PCSK5: variants seen among roughly 807,000 people sequenced by gnomAD.
The protein encoded by PCSK5 is prohormone convertase 5.
In PCSK5, 129 loss-of-function variants were observed where a neutral mutation model predicts 233.2. That is an observed-to-expected ratio of 0.55 (90% CI 0.48 to 0.64). The LOEUF (loss-of-function observed/expected upper bound fraction) is 0.64. Among genes scored for constraint, PCSK5 ranks in the 30% least tolerant of loss-of-function variants. The pLI is 0.00. For synonymous variants in PCSK5, 825 were observed against 879.2 expected (o/e 0.94, Z 1.09); for missense variants, 2,076 against 2,430.1 (o/e 0.85, Z 3.06).
chr9:76,184,809 T>G (rs1824027976), intron 17 of PCSK5, 52 bp downstream of exon 17: 1 of 1,083,442 alleles, frequency 9.2e-7, no homozygotes, highest in Non-Finnish European at 1.4e-6. Context: ...AGCTTCTCAA[T>G]GTAAATAAAA....
At chr9:76,193,726 C>T in intron 20 of PCSK5, 1 of 165,772 alleles carries the variant, frequency 6.0e-6, no homozygotes, top group Non-Finnish European at 1.3e-5. Flanking sequence ...CATTGACTTG[C>T]TTGTTTCCCC....
At chr9:76,112,908 C>G (rs1434066407) in intron 9 of PCSK5, among the ~76,000 whole-genome samples, 1 of 152,046 alleles carries the variant, frequency 6.6e-6, no homozygotes, top group Non-Finnish European at 1.5e-5. Flanking sequence ...ACATTGGTTC[C>G]ATAGAAATTT....
At chr9:76,267,246 A>G (rs1269344495) in intron 24 of PCSK5, among the ~76,000 whole-genome samples, 1 of 152,188 alleles carries the variant, frequency 6.6e-6, no homozygotes, top group Non-Finnish European at 1.5e-5. Context: ...AGGAAAATAG[A>G]AGTGCTTTCA....
chr9:76,320,442 GAAAA>G (rs1192301164), intron 30 of PCSK5, among the ~76,000 whole-genome samples: 1 of 35,390 alleles, frequency 2.8e-5, no homozygotes, highest in Non-Finnish European at 5.4e-5. Context: ...AAAAAAAAAA[GAAAA>G]AAAAAAAGTA....
intron 37 of PCSK5, among the ~76,000 whole-genome samples, chr9:76,355,940 G>A (rs1374588716): frequency 1.3e-5 from 2 of 152,098 alleles, no homozygotes; most frequent in Non-Finnish European, 2.9e-5. Flanking sequence ...CTGACCTCAG[G>A]TGATCTGCCC....
intron 34 of PCSK5, among the ~76,000 whole-genome samples, chr9:76,333,266 T>C (rs770771517): frequency 2.6e-5 from 4 of 152,216 alleles, no homozygotes; most frequent in Admixed American, 2.0e-4. Flanking sequence ...AGATCATTAA[T>C]GGAGGTTCTT....
intron 5 of PCSK5, among the ~76,000 whole-genome samples, chr9:76,044,592 T>C (rs1027080520): frequency 3.3e-5 from 5 of 152,188 alleles, no homozygotes; most frequent in African/African-American, 4.8e-5. Flanking sequence ...TTCTGAATGT[T>C]TGGAATGCTG....
At chr9:75,994,396 C>CTTTTTTTTTTTTTTTTTTT (rs1826907729) in intron 3 of PCSK5, among the ~76,000 whole-genome samples, 3 of 68,338 alleles carry the variant, frequency 4.4e-5, no homozygotes, top group Non-Finnish European at 5.9e-5. Context: ...TTCTTTCTTT[C>CTTTTTTTTTTTTTTTTTTT]TTTCTTTTTT....
At chr9:76,136,008 T>C (rs1013224557) in intron 10 of PCSK5, among the ~76,000 whole-genome samples, 1 of 152,040 alleles carries the variant, frequency 6.6e-6, no homozygotes, top group Non-Finnish European at 1.5e-5. Flanking sequence ...GTTTGTGCAC[T>C]GCTTTAAGGA....
intron 1 of PCSK5, among the ~76,000 whole-genome samples, chr9:75,920,377 C>T (rs550709140): frequency 6.6e-6 from 1 of 152,162 alleles, no homozygotes; most frequent in Non-Finnish European, 1.5e-5. Context: ...CAGCCTCAAA[C>T]TCCTGGGCTC....
At chr9:76,353,326 C>T (rs1393901626) in intron 36 of PCSK5, among the ~76,000 whole-genome samples, 1 of 152,208 alleles carries the variant, frequency 6.6e-6, no homozygotes, top group Non-Finnish European at 1.5e-5. Flanking sequence ...CCACTCTCTT[C>T]CCAAAGAGAT....
intron 35 of PCSK5, among the ~76,000 whole-genome samples, chr9:76,348,770 C>T (rs527629477): frequency 1.3e-5 from 2 of 152,148 alleles, no homozygotes; most frequent in East Asian, 1.9e-4. Context: ...GAACTTTATA[C>T]CCTTTGACCA....
At chr9:76,006,788 C>T (rs1177506591) in intron 3 of PCSK5, among the ~76,000 whole-genome samples, 2 of 152,080 alleles carry the variant, frequency 1.3e-5, no homozygotes, top group African/African-American at 4.8e-5. Flanking sequence ...ACCCTGGGTT[C>T]TTAATTGTAT....
intron 21 of PCSK5, among the ~76,000 whole-genome samples, chr9:76,228,919 A>G (rs941535989): frequency 1.3e-5 from 2 of 152,218 alleles, no homozygotes; most frequent in East Asian, 1.9e-4. Flanking sequence ...ACATAATTCA[A>G]TAAATGTGCT....
At chr9:76,242,548 C>A (rs1404281708) in intron 24 of PCSK5, among the ~76,000 whole-genome samples, 1 of 152,012 alleles carries the variant, frequency 6.6e-6, no homozygotes. Flanking sequence ...AAAAAATAAA[C>A]CTAGGCATAA....
At position 76,359,131 on chromosome 9, in the gene PCSK5, G is replaced by A. The variant is rs929749590; in HGVS notation, c.*209G>A. On this transcript the variant is annotated 3_prime_UTR_variant, in exon 38 of 38. Transcript: ENST00000674117. ...CTCAATTAACAGTTCCTGTTCAACC[G>A]TAATTGAAGAGCAAGGATAAAATTC... 11 of 539,404 alleles carry A rather than the reference G, an allele frequency of 2.0e-5. No homozygotes were observed. The highest frequency in any genetic ancestry group is 6.2e-5 in the Admixed American group (2 of 32,162). The allele number at this position is 539,404 out of a possible 1,614,324, so 33.4% of individuals were successfully genotyped here. A position where few individuals can be genotyped will look rare whatever the true frequency, so the allele number is the denominator to read the frequency against.
At chr9:76,047,188 C>T (rs1338046509) in intron 5 of PCSK5, among the ~76,000 whole-genome samples, 2 of 149,834 alleles carry the variant, frequency 1.3e-5, no homozygotes, top group Admixed American at 1.3e-4. Flanking sequence ...GCTCCGCCTC[C>T]TGGGTTCACG....
intron 20 of PCSK5, among the ~76,000 whole-genome samples, chr9:76,219,318 AT>A (rs989677183): frequency 3.0e-4 from 45 of 152,316 alleles, no homozygotes; most frequent in African/African-American, 1.0e-3. Context: ...CCATGGGGCA[AT>A]GGAGCAGAGA....
chr9:76,186,325 G>A (rs368597987), intron 17 of PCSK5, among the ~76,000 whole-genome samples: 12 of 152,100 alleles, frequency 7.9e-5, no homozygotes, highest in African/African-American at 1.4e-4. Flanking sequence ...TGTTCCAAAC[G>A]TACCCAAATT....
Sources: allele counts gnomAD v4.1 joint callset (sites outside exome capture counted in the v4.1 genomes callset), GRCh38; gene constraint gnomAD v4.1.1; transcripts MANE v1.5; gene names NCBI Gene and HGNC (gene_info 2026-07-23, HGNC 2026-07-21).